Variants in ABCF1 observed in about 807,000 individuals in gnomAD.
ABCF1 encodes ATP binding cassette subfamily F member 1, also known as ATP-binding cassette sub-family F member 1.
ABCF1 carries 73 observed loss-of-function variants against 126.3 expected under a neutral mutation model. The ratio of observed to expected loss-of-function variants is 0.58; its 90% CI spans 0.48 to 0.70. The LOEUF is 0.70. Among genes scored for constraint, ABCF1 ranks in the 30% least tolerant of loss-of-function variants. ABCF1 has a pLI of 0.00. For synonymous variants in ABCF1, 345 were observed against 396.4 expected (o/e 0.87, Z 1.54); for missense variants, 786 against 1,057.5 (o/e 0.74, Z 3.56).
intron 8 of ABCF1, 129 bp downstream of exon 8, chr6:30,580,648 G>A: frequency 1.8e-6 from 1 of 564,920 alleles, no homozygotes. Flanking sequence ...TTTTGGGGGA[G>A]TAGTTGGGGT....
chr6:30,590,134 C>G lies in ABCF1; in HGVS notation c.2234-15C>G. 1.2e-6 allele frequency: 2 copies of G among 1,613,060 alleles called. No individual in the cohort carries two copies. The highest frequency in any genetic ancestry group is 2.2e-5 in the East Asian group (1 of 44,878). ...AGGTGCTAGGTGTGACAGCCCTCCC[C>G]TTCCTTTGCTACAGGTGGTCAGAAG... On this transcript the variant is annotated splice_polypyrimidine_tract_variant and intron_variant, in intron 22 of 24. Coordinates refer to ENST00000326195, the MANE Select transcript of ABCF1 (RefSeq NM_001025091.2).
chr6:30,585,926 C>T lies in ABCF1; in HGVS notation c.1648C>T (p.Gln550Ter), dbSNP rs1377655905. 6.2e-7 allele frequency: 1 copy of T among 1,610,578 alleles called. No homozygotes were observed. The highest frequency in any genetic ancestry group is 1.3e-5 in the African/African-American group (1 of 74,852). ...YQQKQKELLK[Q>*]YEKQEKKLKE... ...GCAGAAGCAGAAAGAACTGCTGAAACAGTATGAGAAGCAAGAGAAAAAGCT... is the reference window on the plus strand; with the variant it reads ...GCAGAAGCAGAAAGAACTGCTGAAATAGTATGAGAAGCAAGAGAAAAAGCT... The change falls in exon 17 of 25, where the codon CAG becomes TAG. Residue 550 changes from glutamine to a stop codon, truncating the protein, a stop_gained. Transcript: ENST00000326195. LOFTEE classifies it high-confidence loss of function.
chr6:30,586,060 T>C lies in ABCF1; in HGVS notation c.1713+69T>C. 1 of 1,591,298 alleles carries C rather than the reference T, an allele frequency of 6.3e-7. No individual in the cohort carries two copies. The highest frequency in any genetic ancestry group is 8.5e-7 in the Non-Finnish European group (1 of 1,169,682). ...CCTGGCAGTGGAGGAAGAAGGAGAC[T>C]CTGGAACGCTGGCCTACATTTCAAG... On this transcript the variant is annotated intron_variant, in intron 17 of 24. Coordinates refer to ENST00000326195, the MANE Select transcript of ABCF1 (RefSeq NM_001025091.2). This position sits in a 1 kb window ranked among gnomAD's most constrained non-coding sequence, Gnocchi z 4.9.
In ABCF1 at chr6:30,583,873, T is replaced by C. The variant is rs1801962527; in HGVS notation, c.1085T>C (p.Val362Ala). ...CTGAGCATCCCTCCCAACATTGATG[T>C]GTTGCTGTGTGAGCAGGGTGAGACC... Reference protein sequence around the residue: ...RALSIPPNIDVLLCEQEVVAD... With the variant: ...RALSIPPNIDALLCEQEVVAD... The change falls in exon 12 of 25, where the codon GTG becomes GCG. Residue 362 changes from valine (V) to alanine (A), a missense_variant. Val to Ala is a moderately conservative substitution (Grantham distance 64). Coordinates refer to ENST00000326195, the MANE Select transcript of ABCF1 (RefSeq NM_001025091.2). The surrounding 1 kb of genome is among the most constrained non-coding windows in gnomAD (Gnocchi z 4.1). 1 of 1,613,666 alleles carries C rather than the reference T, an allele frequency of 6.2e-7. No individual in the cohort carries two copies. Among genetic ancestry groups the C allele is most frequent in the Admixed American group, 1.7e-5 (1 of 59,958 alleles).
In ABCF1 at chr6:30,584,014, C is replaced by T. The variant is rs1394776201; in HGVS notation, c.1102+124C>T. The T allele has an allele frequency of 3.0e-5, 42 of 1,399,070 alleles. No homozygotes were observed. The highest frequency in any genetic ancestry group is 3.8e-5 in the Non-Finnish European group (38 of 1,013,230). 86.7% of individuals were successfully genotyped at this position (1,399,070 alleles called of 1,614,324 possible). On this transcript the variant is annotated intron_variant, in intron 12 of 24. Transcript: ENST00000326195. The surrounding 1 kb of genome is among the most constrained non-coding windows in gnomAD (Gnocchi z 4.6). Reference sequence around the variant, plus strand: ...AGGGATGTGGAGGGAGACTGGAGACCGGGAAAGGGATGCTAAGGAAAGGAG... The same window carrying T: ...AGGGATGTGGAGGGAGACTGGAGACTGGGAAAGGGATGCTAAGGAAAGGAG...
In ABCF1 at chr6:30,583,808, G is replaced by A; in HGVS notation, c.1020G>A (p.Lys340=). 1 of 1,614,186 alleles carries A rather than the reference G, an allele frequency of 6.2e-7. No homozygotes were observed. The highest frequency in any genetic ancestry group is 1.3e-5 in the African/African-American group (1 of 75,046). ...RRYGLVGPNG[K]GKTTLLKHIA... is the part of the protein sequence containing the mutation. ...CCTAATAGCTTTTATTCCCCAGCAA[G>A]GGCAAGACCACACTCCTCAAGCACA... The change falls in exon 12 of 25, where the codon AAG becomes AAA. Residue 340 remains lysine, a synonymous_variant. Transcript: ENST00000326195. This position sits in a 1 kb window ranked among gnomAD's most constrained non-coding sequence, Gnocchi z 4.1.
rs1801412350 is a variant in ABCF1, at chr6:30,574,803, A to G, written c.74-2606A>G. 6.6e-6 allele frequency among the ~76,000 whole-genome samples: 1 copy of G among 152,090 alleles called. No individual in the cohort carries two copies. Among genetic ancestry groups the G allele is most frequent in the Admixed American group, 6.6e-5 (1 of 15,240 alleles). On this transcript the variant is annotated intron_variant, in intron 1 of 24. Coordinates refer to ENST00000326195, the MANE Select transcript of ABCF1 (RefSeq NM_001025091.2). This position sits in a 1 kb window ranked among gnomAD's most constrained non-coding sequence, Gnocchi z 4.3. ...GAGGATGCAGATTAAGCAAAGACAGACATAAGCGTGCCTGGGACTTCATAA... is the reference window on the plus strand; with the variant it reads ...GAGGATGCAGATTAAGCAAAGACAGGCATAAGCGTGCCTGGGACTTCATAA...
At position 30,582,391 on chromosome 6, in the gene ABCF1, C is replaced by A. The variant is rs1801868410; in HGVS notation, c.679-3C>A. ...AGTTTTGACCATCCCCGGGTTCTCA[C>A]AGGGTTCAGAGGAAGAAGGAGAAGG... is the stretch of plus-strand genomic sequence containing the variant. On this transcript the variant is annotated splice_polypyrimidine_tract_variant and splice_region_variant and intron_variant, in intron 8 of 24. Transcript: ENST00000326195. 6.3e-7 allele frequency: 1 copy of A among 1,587,038 alleles called. No individual in the cohort carries two copies. The highest frequency in any genetic ancestry group is 8.6e-7 in the Non-Finnish European group (1 of 1,158,990).
Position 30,584,365 on chromosome 6 carries a change from AC to A in ABCF1, c.1242+35del. 1 of 1,613,062 alleles carries A rather than the reference AC, an allele frequency of 6.2e-7. No homozygotes were observed. The highest frequency in any genetic ancestry group is 1.7e-4 in the Middle Eastern group (1 of 6,060). On this transcript the variant is annotated intron_variant, in intron 13 of 24. Transcript: ENST00000326195. This position sits in a 1 kb window ranked among gnomAD's most constrained non-coding sequence, Gnocchi z 4.6. Reference sequence around the variant, plus strand: ...GATGGCGCAGGGGACACGGGCAAAGACTTGGGGGTTCCTGGGACCCTCAGAC... The same window carrying A: ...GATGGCGCAGGGGACACGGGCAAAGATTGGGGGTTCCTGGGACCCTCAGAC...
At chr6:30,585,418 T>C in intron 15 of ABCF1, 75 bp downstream of exon 15, 1 of 1,586,548 alleles carries the variant, frequency 6.3e-7, no homozygotes. Flanking sequence ...TGTTTTCCTT[T>C]AGCCCTTCTC....
intron 1 of ABCF1, among the ~76,000 whole-genome samples, chr6:30,576,032 C>G (rs944894635): frequency 2.0e-5 from 3 of 149,782 alleles, no homozygotes; most frequent in African/African-American, 7.4e-5. Context: ...TATGATCATG[C>G]CACTGCATTC....
At chr6:30,585,093 A>G (rs1046440352) in intron 14 of ABCF1, among the ~76,000 whole-genome samples, 167 bp from the exon 15 acceptor site, 1 of 152,182 alleles carries the variant, frequency 6.6e-6, no homozygotes, top group Non-Finnish European at 1.5e-5. Flanking sequence ...CAACAGGGCG[A>G]GACCCTGTCT....
At chr6:30,580,146 A>G in intron 7 of ABCF1, 141 bp downstream of exon 7, 2 of 812,400 alleles carry the variant, frequency 2.5e-6, no homozygotes, top group South Asian at 3.5e-5. Context: ...GGAGATCGAG[A>G]CCATCCTGGT....
At position 30,576,208 on chromosome 6, in the gene ABCF1, T is replaced by C. The variant is rs189843696; in HGVS notation, c.74-1201T>C. Reference sequence around the variant, plus strand: ...CCTTCTCTTCCACTGCCTCCTTAATTAATAAATGGTACCACTTAGCCCAGC... The same window carrying C: ...CCTTCTCTTCCACTGCCTCCTTAATCAATAAATGGTACCACTTAGCCCAGC... On this transcript the variant is annotated intron_variant, in intron 1 of 24. Transcript: ENST00000326195. 4.3e-3 allele frequency among the ~76,000 whole-genome samples: 643 copies of C among 148,132 alleles called. 4 individuals are homozygous for C. Among genetic ancestry groups the C allele is most frequent in the African/African-American group, 0.015 (627 of 40,516 alleles).
Position 30,591,054 on chromosome 6 carries a change from A to G in ABCF1, c.*353A>G. On this transcript the variant is annotated 3_prime_UTR_variant, in exon 25 of 25. Coordinates refer to ENST00000326195, the MANE Select transcript of ABCF1 (RefSeq NM_001025091.2). ...CAGAAGCCTGCCTCTGATTTACCCT[A>G]CAGCTTCAGGCCCAGCTGCCCCCCA... 4.2e-6 allele frequency: 1 copy of G among 238,342 alleles called. No individual in the cohort carries two copies. The highest frequency in any genetic ancestry group is 8.4e-5 in the East Asian group (1 of 11,854). 14.8% of individuals were successfully genotyped at this position (238,342 alleles called of 1,614,324 possible).
At chr6:30,571,631 G>C in intron 1 of ABCF1, 71 bp downstream of exon 1, 1 of 1,512,560 alleles carries the variant, frequency 6.6e-7, no homozygotes, top group Non-Finnish European at 9.0e-7. Context: ...TTTTAAGAGA[G>C]GGTCATGGGG....
intron 9 of ABCF1, 26 bp downstream of exon 9, chr6:30,582,533 A>G: frequency 1.2e-6 from 2 of 1,610,368 alleles, no homozygotes; most frequent in East Asian, 2.2e-5. Flanking sequence ...TTAGCGGTCA[A>G]AAGTAGGGGA....
Position 30,586,132 on chromosome 6 carries a change from A to T in ABCF1, c.1714-2A>T. 6.2e-7 allele frequency: 1 copy of T among 1,610,510 alleles called. No individual in the cohort carries two copies. The highest frequency in any genetic ancestry group is 8.5e-7 in the Non-Finnish European group (1 of 1,178,892). ...TTTCTCTTTTTTCCTCTTCCTCTCC[A>T]GGAAAAACAAACGAAGGAAGCCCTG... On this transcript the variant is annotated splice_acceptor_variant, in intron 17 of 24. Coordinates refer to ENST00000326195, the MANE Select transcript of ABCF1 (RefSeq NM_001025091.2). LOFTEE classifies it high-confidence loss of function. This position sits in a 1 kb window ranked among gnomAD's most constrained non-coding sequence, Gnocchi z 4.9.
In ABCF1 at chr6:30,586,386, G is replaced by T; in HGVS notation, c.1885+81G>T. 1 of 1,606,238 alleles carries T rather than the reference G, an allele frequency of 6.2e-7. No homozygotes were observed. Among genetic ancestry groups the T allele is most frequent in the Non-Finnish European group, 8.5e-7 (1 of 1,174,786 alleles). ...ACCCTAAATTCTCCACCAAGGCTGA[G>T]ATTGCTCCTGTTCTCCAAGGCCAGC... On this transcript the variant is annotated intron_variant, in intron 18 of 24. Coordinates refer to ENST00000326195, the MANE Select transcript of ABCF1 (RefSeq NM_001025091.2). The surrounding 1 kb of genome is among the most constrained non-coding windows in gnomAD (Gnocchi z 4.9).
Sources: allele counts gnomAD v4.1 joint callset (sites outside exome capture counted in the v4.1 genomes callset), GRCh38; gene constraint gnomAD v4.1.1; non-coding constraint Gnocchi (gnomAD v3.1); transcripts MANE v1.5; gene names NCBI Gene and HGNC (gene_info 2026-07-23, HGNC 2026-07-21).